CFAP47: variants seen among roughly 807,000 people sequenced by gnomAD.
CFAP47 encodes cilia- and flagella-associated protein 47.
A neutral mutation model predicts 148.1 loss-of-function variants in CFAP47; 29 were observed. That is an observed-to-expected ratio of 0.20 (90% CI 0.15 to 0.27). The LOEUF (loss-of-function observed/expected upper bound fraction) is 0.27, where lower values mean the gene tolerates loss of function less well. Among genes scored for constraint, CFAP47 ranks in the 10% least tolerant of loss-of-function variants. The pLI is 1.00. For synonymous variants in CFAP47, 664 were observed against 577.3 expected, an observed-to-expected ratio of 1.15 and a Z score of -2.15; for missense variants, 1,872 against 1,697.5, an observed-to-expected ratio of 1.10 and a Z score of -1.81.
chrX:35,949,287 T>G (rs2146640447), intron 4 of CFAP47, among the ~76,000 whole-genome samples: 1 of 110,742 alleles, frequency 9.0e-6, no homozygotes, highest in African/African-American at 3.3e-5. Context: ...GGCTATGAAG[T>G]CTTAGGAGGG....
chrX:36,036,417 A>G (rs1487347950), intron 24 of CFAP47, among the ~76,000 whole-genome samples: 2 of 109,291 alleles, frequency 1.8e-5, no homozygotes, highest in African/African-American at 6.7e-5. Context: ...ATAATAGTCT[A>G]TTGTGTACAT....
intron 1 of CFAP47, among the ~76,000 whole-genome samples, chrX:35,924,088 T>C (rs1288787403): frequency 2.0e-5 from 2 of 97,707 alleles, no homozygotes; most frequent in African/African-American, 4.0e-5. Context: ...TGTACATGTA[T>C]GCGTACATAT....
chrX:36,287,608 C>A (rs1260114127), intron 51 of CFAP47, among the ~76,000 whole-genome samples: 2 of 111,017 alleles, frequency 1.8e-5, no homozygotes, highest in Non-Finnish European at 3.8e-5. Context: ...TAGATAGTTT[C>A]CTTGTTACCA....
intron 48 of CFAP47, among the ~76,000 whole-genome samples, chrX:36,247,263 C>T (rs1218743694): frequency 9.1e-6 from 1 of 110,241 alleles, no homozygotes; most frequent in African/African-American, 3.3e-5. Flanking sequence ...AATAGATACA[C>T]AAACTATTAG....
chrX:35,989,472 GTTTTTGT>G, intron 16 of CFAP47, 23 bp downstream of exon 16: 15 of 1,210,782 alleles, frequency 1.2e-5, no homozygotes, highest in Non-Finnish European at 1.7e-5. Context: ...CTTGAACATG[GTTTTTGT>G]TTTGAGGGCT....
chrX:36,352,630 T>C (rs1556017684), intron 59 of CFAP47, among the ~76,000 whole-genome samples: 1 of 110,324 alleles, frequency 9.1e-6, no homozygotes, highest in Non-Finnish European at 1.9e-5. Context: ...TAGAGCATTT[T>C]ATATGTTTGG....
chrX:36,240,567 C>T (rs953774816), intron 48 of CFAP47, among the ~76,000 whole-genome samples: 3 of 110,946 alleles, frequency 2.7e-5, no homozygotes, highest in African/African-American at 9.8e-5. Flanking sequence ...TGAGTCAATA[C>T]AGATTGTCTA....
intron 33 of CFAP47, among the ~76,000 whole-genome samples, chrX:36,116,092 G>A (rs150509063): frequency 9.0e-6 from 1 of 111,717 alleles, no homozygotes; most frequent in Non-Finnish European, 1.9e-5. Flanking sequence ...ATTCAGAGGG[G>A]ACTTGTGCAT....
At chrX:35,944,339 C>T (rs1379762579) in intron 3 of CFAP47, among the ~76,000 whole-genome samples, 1 of 110,848 alleles carries the variant, frequency 9.0e-6, no homozygotes, top group Non-Finnish European at 1.9e-5. Context: ...ATAACATAAC[C>T]CTAATTTATA....
At chrX:35,973,748 T>G (rs960782672) in intron 13 of CFAP47, among the ~76,000 whole-genome samples, 6 of 111,977 alleles carry the variant, frequency 5.4e-5, no homozygotes, top group Middle Eastern at 4.7e-3. Flanking sequence ...TCTCAGTTTC[T>G]TCATCTGTGA....
rs1364476260 is a variant in CFAP47, at chrX:35,926,158, C to T, written c.391C>T (p.Pro131Ser). 8.4e-6 allele frequency: 10 copies of T among 1,196,751 alleles called. No homozygotes were observed. The highest frequency in any genetic ancestry group is 1.8e-5 in the African/African-American group (1 of 56,782). ...AATAGAAAATAAAACAACAGAAATT[C>T]CTCTAATTGGGTATGTAATCTTCAT... Reference protein sequence around the residue: ...ISIENKTTEIPLIGLIPSCQL... With the variant: ...ISIENKTTEISLIGLIPSCQL... The change falls in exon 2 of 64, where the codon CCT becomes TCT. Residue 131 changes from proline to serine, a missense_variant. Pro to Ser is a moderately conservative substitution (Grantham distance 74). Coordinates refer to ENST00000378653, the MANE Select transcript of CFAP47 (RefSeq NM_001304548.2).
At chrX:35,928,387 T>C (rs1935777255) in intron 2 of CFAP47, among the ~76,000 whole-genome samples, 1 of 111,803 alleles carries the variant, frequency 8.9e-6, no homozygotes, top group South Asian at 3.7e-4. Context: ...AGTTTTAATT[T>C]GCATTTCCCC....
At chrX:36,041,833 G>A (rs755870487) in intron 25 of CFAP47, among the ~76,000 whole-genome samples, 6 of 107,223 alleles carry the variant, frequency 5.6e-5, no homozygotes, top group Admixed American at 2.0e-4. Context: ...GGCTGAGGCC[G>A]GAGAATCTCT....
At chrX:36,350,697 T>A (rs113999942) in intron 59 of CFAP47, among the ~76,000 whole-genome samples, 4,680 of 109,370 alleles carry the variant, frequency 0.043, 234 homozygotes, top group African/African-American at 0.14. Context: ...TATTTATTTT[T>A]TTTTTTGCCT....
chrX:36,376,768 TC>T (rs1289717679), intron 62 of CFAP47, among the ~76,000 whole-genome samples: 1 of 82,200 alleles, frequency 1.2e-5, no homozygotes, highest in East Asian at 4.7e-4. Flanking sequence ...ATGCTATCCC[TC>T]CCCCCTCCCC....
Position 36,130,391 on chromosome X carries a change from T to A in CFAP47, c.5321-7567T>A, listed in dbSNP as rs143871138. Among the ~76,000 whole-genome samples the A allele has an allele frequency of 7.5e-4, 83 of 111,005 alleles. 1 individual carries two copies. In the East Asian group the frequency reaches 0.021, roughly 29 times the overall value. On this transcript the variant is annotated intron_variant, in intron 33 of 63. Coordinates refer to ENST00000378653, the MANE Select transcript of CFAP47 (RefSeq NM_001304548.2). Reference sequence around the variant, plus strand: ...ACAGTGAGATATCATTTAACCACAGTTAGAATGGCTTATATCCAAAAGACA... The same window carrying A: ...ACAGTGAGATATCATTTAACCACAGATAGAATGGCTTATATCCAAAAGACA...
chrX:36,199,095 A>G (rs1939948989), intron 42 of CFAP47, among the ~76,000 whole-genome samples: 1 of 111,601 alleles, frequency 9.0e-6, no homozygotes, highest in Non-Finnish European at 1.9e-5. Flanking sequence ...GATTTCTCCA[A>G]TTGTCTTATA....
At chrX:36,306,588 C>T (rs146156774) in intron 54 of CFAP47, among the ~76,000 whole-genome samples, 184 bp from the exon 55 acceptor site, 699 of 111,040 alleles carry the variant, frequency 6.3e-3, no homozygotes, top group African/African-American at 0.022. Flanking sequence ...CCCCCAAACA[C>T]GGTTTAACAT....
chrX:36,158,640 T>G (rs138857462), intron 37 of CFAP47, among the ~76,000 whole-genome samples: 4,028 of 111,927 alleles, frequency 0.036, 183 homozygotes, highest in African/African-American at 0.12. Context: ...CAGGAAGCAA[T>G]GATAAACTGT....
Sources: gnomAD v4.1 joint callset for allele counts (sites outside exome capture counted in the v4.1 genomes callset) on GRCh38, gnomAD v4.1.1 for gene constraint, MANE v1.5 for transcripts, NCBI Gene and HGNC (gene_info 2026-07-23, HGNC 2026-07-21) for gene names.